Variants in IFT81 observed in about 807,000 individuals in gnomAD.
IFT81 encodes intraflagellar transport protein 81 homolog.
IFT81 carries 72 observed loss-of-function variants against 102.6 expected under a neutral mutation model. That is an observed-to-expected ratio of 0.70 (90% confidence interval 0.58 to 0.85). The LOEUF is 0.85. Ranked by LOEUF, IFT81 falls within the 40% of genes least tolerant of loss-of-function variation. IFT81 has a pLI of 0.00. For missense variants in IFT81, 723 were observed against 787.3 expected (o/e 0.92, Z 0.98); for synonymous variants, 237 against 242.7 (o/e 0.98, Z 0.22).
Position 110,135,016 on chromosome 12 carries a change from A to G in IFT81, c.585+3A>G, listed in dbSNP as rs1194769967. The G allele has an allele frequency of 6.2e-7, 1 of 1,605,354 alleles. No individual in the cohort carries two copies. The highest frequency in any genetic ancestry group is 8.5e-7 in the Non-Finnish European group (1 of 1,175,168). Reference sequence around the variant, plus strand: ...GAGTTGAACATTTGAAGAAAAGGGTAAGGCAGAATTAGTACTGTAAGACTT... The same window carrying G: ...GAGTTGAACATTTGAAGAAAAGGGTGAGGCAGAATTAGTACTGTAAGACTT... On this transcript the variant is annotated splice_donor_region_variant and intron_variant, in intron 6 of 18. Coordinates refer to ENST00000242591, the MANE Select transcript of IFT81 (RefSeq NM_014055.4).
intron 11 of IFT81, among the ~76,000 whole-genome samples, chr12:110,171,550 G>A (rs1362894763): frequency 6.6e-6 from 1 of 152,114 alleles, no homozygotes; most frequent in African/African-American, 2.4e-5. Context: ...TGCTTGACTT[G>A]GTGAGATTTT....
chr12:110,139,696 C>T (rs953392026), intron 8 of IFT81, among the ~76,000 whole-genome samples: 6 of 151,034 alleles, frequency 4.0e-5, no homozygotes, highest in Non-Finnish European at 5.9e-5. Context: ...ATGGCATGAA[C>T]CCGGGAGGCA....
At chr12:110,176,185 C>T (rs770962928) in intron 11 of IFT81, among the ~76,000 whole-genome samples, 22 of 152,054 alleles carry the variant, frequency 1.4e-4, no homozygotes, top group Admixed American at 2.6e-4. Context: ...CCATTAACTC[C>T]CCCTACTACC....
intron 2 of IFT81, 90 bp from the exon 3 acceptor site, chr12:110,127,956 G>T: frequency 1.1e-6 from 1 of 875,262 alleles, no homozygotes; most frequent in Non-Finnish European, 1.9e-6. Context: ...GTGCTGTTAA[G>T]CTCTAGCAGA....
At chr12:110,134,926 G>C (rs1593281001) in intron 5 of IFT81, 22 bp from the exon 6 acceptor site, 1 of 1,582,252 alleles carries the variant, frequency 6.3e-7, no homozygotes, top group East Asian at 2.2e-5. Flanking sequence ...TTTCTTATAA[G>C]GTCTTCTTTG....
intron 11 of IFT81, among the ~76,000 whole-genome samples, chr12:110,164,936 T>A (rs1896352429): frequency 6.6e-6 from 1 of 152,186 alleles, no homozygotes; most frequent in African/African-American, 2.4e-5. Context: ...CAGGAAATAC[T>A]AATTGTTATG....
chr12:110,128,523 C>T (rs1893974715), intron 3 of IFT81, among the ~76,000 whole-genome samples: 1 of 151,676 alleles, frequency 6.6e-6, no homozygotes, highest in Admixed American at 6.6e-5. Context: ...GGCATGGTAG[C>T]TCACACCTGT....
intron 11 of IFT81, among the ~76,000 whole-genome samples, chr12:110,164,476 A>G (rs1896328164): frequency 6.6e-6 from 1 of 152,098 alleles, no homozygotes; most frequent in African/African-American, 2.4e-5. Context: ...TGTAACAGCT[A>G]CTAGATCTCA....
chr12:110,195,615 A>G (rs1897966636), intron 14 of IFT81, among the ~76,000 whole-genome samples: 1 of 152,086 alleles, frequency 6.6e-6, no homozygotes, highest in African/African-American at 2.4e-5. Context: ...TAACATTTAC[A>G]TTCTCCTCTG....
At chr12:110,173,575 G>A (rs377753362) in intron 11 of IFT81, among the ~76,000 whole-genome samples, 2 of 152,208 alleles carry the variant, frequency 1.3e-5, no homozygotes, top group Non-Finnish European at 2.9e-5. Flanking sequence ...GTGTCTGTGT[G>A]GAAAGAAGTA....
intron 8 of IFT81, among the ~76,000 whole-genome samples, chr12:110,141,739 C>T (rs765961147): frequency 5.3e-5 from 8 of 151,954 alleles, no homozygotes; most frequent in Admixed American, 1.3e-4. Flanking sequence ...AAAAATTAGC[C>T]GAGCTGGTAG....
chr12:110,164,356 G>T (rs1369906072), intron 11 of IFT81, among the ~76,000 whole-genome samples: 3 of 152,078 alleles, frequency 2.0e-5, no homozygotes, highest in Non-Finnish European at 4.4e-5. Flanking sequence ...ATGAATAAAT[G>T]AAGTCAAATA....
chr12:110,128,240 G>A, intron 3 of IFT81, 91 bp downstream of exon 3: 1 of 762,138 alleles, frequency 1.3e-6, no homozygotes, highest in Non-Finnish European at 2.2e-6. Context: ...GGTAATACCT[G>A]GTTTCCCTCA....
chr12:110,138,854 G>C (rs1046828911), intron 8 of IFT81, among the ~76,000 whole-genome samples: 6 of 152,176 alleles, frequency 3.9e-5, no homozygotes, highest in Admixed American at 3.9e-4. Context: ...AAAGTTTGCT[G>C]ACATCTTAGT....
At chr12:110,173,251 G>C (rs536676360) in intron 11 of IFT81, among the ~76,000 whole-genome samples, 31 of 142,796 alleles carry the variant, frequency 2.2e-4, no homozygotes, top group Non-Finnish European at 3.1e-4. Flanking sequence ...CGCCCCGTCC[G>C]GGAGGTGAGG....
rs1205571399 is a variant in IFT81, at chr12:110,139,852, A to AAAAT, written c.781+2996_781+2999dup. On this transcript the variant is annotated intron_variant, in intron 8 of 18. Transcript: ENST00000242591. Reference sequence around the variant, plus strand: ...TAAAATAAAATAAAATAAAATAAATAAAATAAAATAAAATATAAAATAAAA... The same window carrying AAAAT: ...TAAAATAAAATAAAATAAAATAAATAAAATAAATAAAATAAAATATAAAATAAAA... Among the ~76,000 whole-genome samples, 805 of 127,666 alleles carry AAAAT rather than the reference A, an allele frequency of 6.3e-3. 7 individuals carry two copies. Among genetic ancestry groups the AAAAT allele is most frequent in the African/African-American group, 0.026 (752 of 29,332 alleles). The allele number at this position is 127,666 out of a possible 152,430, so 83.8% of individuals were successfully genotyped here. A position where few individuals can be genotyped will look rare whatever the true frequency, so the allele number is the denominator to read the frequency against.
At position 110,127,680 on chromosome 12, in the gene IFT81, C is replaced by T. The variant is rs557630098; in HGVS notation, c.144+156C>T. ...AATGCATAACATTTCTCTGCTAGCT[C>T]AAAAATAAATTATCTATTGGTACCT... is the stretch of plus-strand genomic sequence containing the variant. On this transcript the variant is annotated intron_variant, in intron 2 of 18. Transcript: ENST00000242591. 2.6e-4 allele frequency among the ~76,000 whole-genome samples: 40 copies of T among 152,260 alleles called. 1 individual carries two copies. The highest frequency in any genetic ancestry group is 8.7e-4 in the African/African-American group (36 of 41,556).
At chr12:110,207,949 A>T (rs553621962) in intron 17 of IFT81, among the ~76,000 whole-genome samples, 30 of 150,506 alleles carry the variant, frequency 2.0e-4, no homozygotes, top group African/African-American at 7.0e-4. Flanking sequence ...TTACATTAAA[A>T]TTTTTTTTTT....
At position 110,129,210 on chromosome 12, in the gene IFT81, T is replaced by A. The variant is rs865924087; in HGVS notation, c.429+80T>A. On this transcript the variant is annotated intron_variant, in intron 4 of 18. Transcript: ENST00000242591. ...ATTCAAATACATGTTACTCTTTTTT[T>A]ATTTGCTGTCTTTGTAGTTCCAAGT... 2.7e-6 allele frequency: 3 copies of A among 1,098,436 alleles called. No homozygotes were observed. The Middle Eastern group carries it at 8.9e-4, about 327-fold the overall frequency. The allele number at this position is 1,098,436 out of a possible 1,614,324, so 68.0% of individuals were successfully genotyped here. A position where few individuals can be genotyped will look rare whatever the true frequency, so the allele number is the denominator to read the frequency against.
Sources: gnomAD v4.1 joint callset for allele counts (sites outside exome capture counted in the v4.1 genomes callset) on GRCh38, gnomAD v4.1.1 for gene constraint, MANE v1.5 for transcripts, NCBI Gene and HGNC (gene_info 2026-07-23, HGNC 2026-07-21) for gene names.